TMEM150C: variants seen among roughly 807,000 people sequenced by gnomAD.
TMEM150C encodes the protein tentonin 3.
Under a neutral mutation model 29.9 loss-of-function variants are expected in TMEM150C, and 10 were observed. The ratio of observed to expected loss-of-function variants is 0.33; its 90% confidence interval spans 0.21 to 0.57. TMEM150C has a LOEUF of 0.57. Among genes scored for constraint, TMEM150C ranks in the 20% least tolerant of loss-of-function variants. The pLI, the probability that TMEM150C is intolerant of heterozygous loss-of-function variation, is 0.88. For missense variants in TMEM150C, 251 were observed against 303.6 expected (o/e 0.83, Z 1.29); for synonymous variants, 101 against 112.5 (o/e 0.90, Z 0.64).
rs1216331410 is a variant in TMEM150C, at chr4:82,485,607, G to A, written c.654C>T (p.Tyr218=). The change falls in exon 8 of 8, where the codon TAC becomes TAT. Residue 218 remains tyrosine (Y), a synonymous_variant. Coordinates refer to ENST00000449862, the MANE Select transcript of TMEM150C (RefSeq NM_001080506.3). The part of the protein sequence containing the change: ...FGTFAVEFRH[Y]RYEIVCSEYQ... Reference sequence around the variant, plus strand: ...ACTCAGAGCAAACAATCTCATAGCGGTAATGCCGGAACTCCACGGCAAAGG... The same window carrying A: ...ACTCAGAGCAAACAATCTCATAGCGATAATGCCGGAACTCCACGGCAAAGG... The A allele has an allele frequency of 6.2e-6, 10 of 1,610,954 alleles. No homozygotes were observed. The highest frequency in any genetic ancestry group is 5.9e-6 in the Non-Finnish European group (7 of 1,178,614).
At chr4:82,486,399 T>C (rs1307389749) in intron 7 of TMEM150C, among the ~76,000 whole-genome samples, 1 of 149,156 alleles carries the variant, frequency 6.7e-6, no homozygotes, top group African/African-American at 2.5e-5. Flanking sequence ...AATTCATAGT[T>C]ATCGTTATAT....
intron 6 of TMEM150C, among the ~76,000 whole-genome samples, chr4:82,493,881 T>C (rs1355090331): frequency 6.6e-6 from 1 of 152,134 alleles, no homozygotes; most frequent in Non-Finnish European, 1.5e-5. Flanking sequence ...TGGATATAGA[T>C]GGGAGATAGA....
intron 7 of TMEM150C, among the ~76,000 whole-genome samples, chr4:82,486,836 A>G (rs1174679758): frequency 2.0e-5 from 3 of 152,136 alleles, no homozygotes; most frequent in Admixed American, 2.0e-4. Flanking sequence ...CTGTATCTGT[A>G]TATACACAAC....
Position 82,529,320 on chromosome 4 carries a change from G to C in TMEM150C, c.-10-24653C>G, listed in dbSNP as rs984859874. Among the ~76,000 whole-genome samples, 6 of 123,016 alleles carry C rather than the reference G, an allele frequency of 4.9e-5. No individual in the cohort carries two copies. In the Admixed American group the frequency reaches 6.3e-4, roughly 13 times the overall value. The allele number at this position is 123,016 out of a possible 152,430, so 80.7% of individuals were successfully genotyped here. A position where few individuals can be genotyped will look rare whatever the true frequency, so the allele number is the denominator to read the frequency against. Reference sequence around the variant, plus strand: ...TTCTTTTTTTTTGAGACAGAGTCTTGCTCTGTTGCCCAGGCTGGAGTGCAG... The same window carrying C: ...TTCTTTTTTTTTGAGACAGAGTCTTCCTCTGTTGCCCAGGCTGGAGTGCAG... On this transcript the variant is annotated intron_variant, in intron 1 of 7. Transcript: ENST00000449862.
chr4:82,526,779 A>G (rs902336991), intron 1 of TMEM150C, among the ~76,000 whole-genome samples: 1 of 152,198 alleles, frequency 6.6e-6, no homozygotes, highest in Non-Finnish European at 1.5e-5. Context: ...AATTAAAACT[A>G]GATGGCCTCG....
At chr4:82,544,409 C>A (rs560955968) in intron 1 of TMEM150C, among the ~76,000 whole-genome samples, 4 of 152,274 alleles carry the variant, frequency 2.6e-5, no homozygotes, top group African/African-American at 9.6e-5. Flanking sequence ...TTGAACATGC[C>A]TGATGGGCCC....
chr4:82,517,190 T>C (rs1442625537), intron 1 of TMEM150C, among the ~76,000 whole-genome samples: 1 of 152,208 alleles, frequency 6.6e-6, no homozygotes, highest in African/African-American at 2.4e-5. Context: ...CAGCCTTCCC[T>C]AGCTTCCTTA....
At chr4:82,529,372 T>G (rs1724762590) in intron 1 of TMEM150C, among the ~76,000 whole-genome samples, 1 of 151,260 alleles carries the variant, frequency 6.6e-6, no homozygotes, top group South Asian at 2.1e-4. Flanking sequence ...CACTCCAGCC[T>G]CGACTTCCTG....
chr4:82,555,668 A>T (rs747763469), intron 1 of TMEM150C, among the ~76,000 whole-genome samples: 45 of 152,156 alleles, frequency 3.0e-4, no homozygotes, highest in Non-Finnish European at 6.2e-4. Flanking sequence ...TCGCTATCAC[A>T]TTGTAAGATG....
intron 1 of TMEM150C, among the ~76,000 whole-genome samples, chr4:82,545,521 A>T (rs575810529): frequency 1.3e-5 from 2 of 152,362 alleles, no homozygotes; most frequent in African/African-American, 4.8e-5. Flanking sequence ...CCTATTTGAC[A>T]TAGTACTGGA....
At chr4:82,507,853 T>G (rs1723990501) in intron 1 of TMEM150C, among the ~76,000 whole-genome samples, 1 of 142,078 alleles carries the variant, frequency 7.0e-6, no homozygotes, top group Non-Finnish European at 1.5e-5. Flanking sequence ...GCTCAAGCGA[T>G]CCTCCCACCT....
At chr4:82,530,810 G>A (rs1012420083) in intron 1 of TMEM150C, among the ~76,000 whole-genome samples, 2 of 152,214 alleles carry the variant, frequency 1.3e-5, no homozygotes, top group Non-Finnish European at 2.9e-5. Context: ...AGCTTCTGGA[G>A]AGGCCTCAGG....
chr4:82,510,780 G>A (rs1724097963), intron 1 of TMEM150C, among the ~76,000 whole-genome samples: 1 of 152,202 alleles, frequency 6.6e-6, no homozygotes. Flanking sequence ...CAACTGGAAT[G>A]AAGCAGAAAT....
chr4:82,491,661 A>ATTTTTTATT (rs1415290278), intron 6 of TMEM150C: 1 of 509,380 alleles, frequency 2.0e-6, no homozygotes, highest in Non-Finnish European at 3.5e-6. Flanking sequence ...GAGAGCGCTA[A>ATTTTTTATT]TTTTTTATTT....
At chr4:82,496,238 C>T (rs1408340315) in intron 5 of TMEM150C, 43 bp from the exon 6 acceptor site, 21 of 1,565,824 alleles carry the variant, frequency 1.3e-5, no homozygotes, top group East Asian at 2.3e-5. Flanking sequence ...AATTAAATCA[C>T]ACACCTAGAC....
chr4:82,519,960 G>A (rs1375929030), intron 1 of TMEM150C, among the ~76,000 whole-genome samples: 4 of 152,136 alleles, frequency 2.6e-5, no homozygotes, highest in Non-Finnish European at 4.4e-5. Context: ...GCTGATAAAG[G>A]AGTCTACTGT....
intron 6 of TMEM150C, among the ~76,000 whole-genome samples, chr4:82,492,532 A>C (rs1285965847): frequency 6.6e-6 from 1 of 152,126 alleles, no homozygotes; most frequent in Non-Finnish European, 1.5e-5. Context: ...ATAGTAGGAC[A>C]ACAGTACTTG....
At chr4:82,536,343 C>T (rs1227399516) in intron 1 of TMEM150C, among the ~76,000 whole-genome samples, 2 of 128,580 alleles carry the variant, frequency 1.6e-5, no homozygotes, top group Admixed American at 1.0e-4. Context: ...GGCAACAGAG[C>T]GAGACTCCAT....
chr4:82,523,266 C>A (rs1437421768), intron 1 of TMEM150C, among the ~76,000 whole-genome samples: 1 of 152,062 alleles, frequency 6.6e-6, no homozygotes, highest in Non-Finnish European at 1.5e-5. Context: ...AAGAGGAGGT[C>A]CCCACCTGTC....
Sources: allele counts gnomAD v4.1 joint callset (sites outside exome capture counted in the v4.1 genomes callset), GRCh38; gene constraint gnomAD v4.1.1; transcripts MANE v1.5; gene names NCBI Gene and HGNC (gene_info 2026-07-23, HGNC 2026-07-21).